NUB1: variants seen among roughly 807,000 people sequenced by gnomAD.
The protein encoded by NUB1 is negative regulator of ubiquitin like proteins 1.
Under a neutral mutation model 77.1 loss-of-function variants are expected in NUB1, and 41 were observed. The ratio of observed to expected loss-of-function variants is 0.53; its 90% CI spans 0.41 to 0.69. The LOEUF is 0.69. Ranked by LOEUF, NUB1 falls within the 30% of genes least tolerant of loss-of-function variation. The pLI, the probability that NUB1 is intolerant of heterozygous loss-of-function variation, is 0.00. For missense variants in NUB1, 643 were observed against 743.8 expected (o/e 0.86, Z 1.58); for synonymous variants, 257 against 281.0 (o/e 0.91, Z 0.85).
chr7:151,360,875 G>A (rs1055774109), intron 8 of NUB1: 2 of 151,554 alleles, frequency 1.3e-5, no homozygotes, highest in African/African-American at 4.9e-5. Flanking sequence ...GGGCTCAAGT[G>A]ATCCACCCAC....
intron 7 of NUB1, among the ~76,000 whole-genome samples, chr7:151,359,546 A>AGGC (rs1008214719): frequency 1.5e-4 from 23 of 152,226 alleles, no homozygotes; most frequent in African/African-American, 5.1e-4. Context: ...TGGGAGGCCA[A>AGGC]GGCGGCACAT....
Position 151,374,261 on chromosome 7 carries a change from G to T in NUB1, c.1395+18G>T. 1 of 1,551,020 alleles carries T rather than the reference G, an allele frequency of 6.4e-7. No individual in the cohort carries two copies. Among genetic ancestry groups the T allele is most frequent in the Non-Finnish European group, 8.7e-7 (1 of 1,147,188 alleles). On this transcript the variant is annotated intron_variant, in intron 12 of 14. Transcript: ENST00000568733. The stretch of plus-strand genomic sequence containing the variant: ...CCCTGAAGGTAGCAGCTCCCTCGGG[G>T]CCTCTGGCCTTGTCCCTGAGCAGTG...
chr7:151,357,861 C>T (rs553980563), intron 7 of NUB1, among the ~76,000 whole-genome samples: 6 of 152,042 alleles, frequency 3.9e-5, no homozygotes, highest in Middle Eastern at 6.8e-3. Context: ...CCACCCACCT[C>T]GGCCTCCCAA....
Position 151,349,252 on chromosome 7 carries a change from C to T in NUB1, c.285+12C>T, listed in dbSNP as rs1023994012. 2 of 1,599,858 alleles carry T rather than the reference C, an allele frequency of 1.3e-6. No homozygotes were observed. The highest frequency in any genetic ancestry group is 2.7e-5 in the African/African-American group (2 of 73,718). On this transcript the variant is annotated intron_variant, in intron 3 of 14. Transcript: ENST00000568733. The stretch of plus-strand genomic sequence containing the variant: ...CAAGACTAAAAAAAGTGAGTAATTT[C>T]CCTAAATTTGAGTAGGCACTAATGT...
chr7:151,352,995 C>A, intron 5 of NUB1, 113 bp downstream of exon 5: 3 of 607,992 alleles, frequency 4.9e-6, no homozygotes, highest in South Asian at 2.2e-5. Context: ...CATTTATAAT[C>A]CAAAAGTGAT....
chr7:151,354,270 T>C (rs897512435), intron 5 of NUB1, among the ~76,000 whole-genome samples: 1 of 151,968 alleles, frequency 6.6e-6, no homozygotes, highest in Non-Finnish European at 1.5e-5. Context: ...GTGTTTTTTA[T>C]TACTGTGGCT....
At chr7:151,376,146 G>C in intron 13 of NUB1, 1 of 546,704 alleles carries the variant, frequency 1.8e-6, no homozygotes, top group South Asian at 2.0e-5. Context: ...CAGGAAAACT[G>C]GGGAAGTGTC....
chr7:151,342,607 C>CTT (rs1796265607), intron 1 of NUB1, among the ~76,000 whole-genome samples: 1 of 152,216 alleles, frequency 6.6e-6, no homozygotes, highest in African/African-American at 2.4e-5. Flanking sequence ...AAATTAAAAA[C>CTT]TGACTTATTA....
chr7:151,375,910 T>A lies in NUB1; in HGVS notation c.1458T>A (p.Arg486=). 6.2e-7 allele frequency: 1 copy of A among 1,613,012 alleles called. No homozygotes were observed. Among genetic ancestry groups the A allele is most frequent in the Non-Finnish European group, 8.5e-7 (1 of 1,179,028 alleles). ...ATTCCAATCCTGAAACCGACAACCG[T>A]CAAGAAAGTCCTTCCCAGGAAAACA... ...LNDSNPETDN[R]QESPSQENID... Residue 486 remains arginine (R), a synonymous_variant, in exon 13 of 15, where the codon CGT becomes CGA. Transcript: ENST00000568733.
intron 10 of NUB1, 85 bp downstream of exon 10, chr7:151,368,053 G>T: frequency 2.6e-6 from 2 of 765,848 alleles, no homozygotes. Flanking sequence ...AGTAGTTTGT[G>T]ACTTGTGAGA....
At chr7:151,345,616 C>T (rs1363356170) in intron 2 of NUB1, 150 bp downstream of exon 2, 2 of 518,616 alleles carry the variant, frequency 3.9e-6, no homozygotes, top group South Asian at 3.3e-5. Context: ...TAGGAACTGA[C>T]AACCTTATTT....
chr7:151,345,297 A>G (rs1437457436), intron 1 of NUB1, 51 bp from the exon 2 acceptor site: 2 of 1,193,020 alleles, frequency 1.7e-6, no homozygotes, highest in Non-Finnish European at 2.5e-6. Flanking sequence ...TAAGTTATTA[A>G]CATTTTAAAA....
At chr7:151,364,908 G>A (rs190856110) in intron 8 of NUB1, among the ~76,000 whole-genome samples, 20 of 152,088 alleles carry the variant, frequency 1.3e-4, no homozygotes, top group East Asian at 1.2e-3. Flanking sequence ...AAATGTAACA[G>A]TGTTGAATAT....
chr7:151,369,667 T>A (rs530682126), intron 11 of NUB1, among the ~76,000 whole-genome samples: 147 of 152,362 alleles, frequency 9.6e-4, no homozygotes, highest in Non-Finnish European at 1.9e-3. Context: ...AACTGAGGTC[T>A]AGAGGGCGGT....
intron 1 of NUB1, among the ~76,000 whole-genome samples, 193 bp from the exon 2 acceptor site, chr7:151,345,155 T>C (rs996968749): frequency 1.3e-5 from 2 of 151,754 alleles, no homozygotes; most frequent in Non-Finnish European, 2.9e-5. Context: ...ATATATGTAA[T>C]ATATATAATT....
chr7:151,374,350 C>A (rs1798107143), intron 12 of NUB1, 107 bp downstream of exon 12: 2 of 1,372,686 alleles, frequency 1.5e-6, no homozygotes, highest in East Asian at 2.5e-5. Context: ...CTATGGGCTG[C>A]CCCGTCATCC....
chr7:151,376,099 C>T (rs997750278), intron 13 of NUB1, 156 bp downstream of exon 13: 13 of 621,276 alleles, frequency 2.1e-5, no homozygotes, highest in Middle Eastern at 3.8e-4. Context: ...AGGCCACCCA[C>T]GCAGTAACAG....
At chr7:151,344,740 G>A (rs909843778) in intron 1 of NUB1, among the ~76,000 whole-genome samples, 1 of 152,112 alleles carries the variant, frequency 6.6e-6, no homozygotes, top group African/African-American at 2.4e-5. Flanking sequence ...ACAAGCTCAC[G>A]CCTGTAATCC....
At position 151,374,393 on chromosome 7, in the gene NUB1, G is replaced by C. The variant is rs1329674735; in HGVS notation, c.1395+150G>C. 3 of 1,080,346 alleles carry C rather than the reference G, an allele frequency of 2.8e-6. No individual in the cohort carries two copies. The Admixed American group carries it at 6.0e-5, about 22-fold the overall frequency. 66.9% of individuals were successfully genotyped at this position (1,080,346 alleles called of 1,614,324 possible). On this transcript the variant is annotated intron_variant, in intron 12 of 14. Transcript: ENST00000568733. ...AAGGGCAGGTTTCTCCTGGGCTCCA[G>C]CCCAGACACAGGCTGCGTGAGGCCA...
Sources: gnomAD v4.1 joint callset for allele counts (sites outside exome capture counted in the v4.1 genomes callset) on GRCh38, gnomAD v4.1.1 for gene constraint, MANE v1.5 for transcripts, NCBI Gene and HGNC (gene_info 2026-07-23, HGNC 2026-07-21) for gene names.